The following CCDC178 variants were observed in gnomAD, a reference collection of about 807,000 sequenced individuals.
CCDC178 encodes coiled-coil domain containing 178, also known as coiled-coil domain-containing protein 178.
CCDC178 carries 126 observed loss-of-function variants against 117.4 expected under a neutral mutation model. The observed-to-expected ratio is 1.07, with a 90% CI of 0.93 to 1.24. CCDC178 has a LOEUF of 1.24. Among genes scored for constraint, CCDC178 ranks in the 50% most tolerant of loss-of-function variants. The probability of loss-of-function intolerance (pLI) is 0.00; values close to 1 mark genes in which losing one functional copy is unlikely to be tolerated. For missense variants in CCDC178, 1,030 were observed against 986.9 expected, an observed-to-expected ratio of 1.04 and a Z score of -0.59; for synonymous variants, 283 against 313.4, an observed-to-expected ratio of 0.90 and a Z score of 1.02.
At chr18:33,014,865 C>A (rs1208412635) in intron 21 of CCDC178, among the ~76,000 whole-genome samples, 1 of 152,066 alleles carries the variant, frequency 6.6e-6, no homozygotes, top group Non-Finnish European at 1.5e-5. Flanking sequence ...GAACAAAAAA[C>A]CCTGGGGAGA....
At chr18:33,100,509 A>T (rs2057609678) in intron 20 of CCDC178, among the ~76,000 whole-genome samples, 1 of 151,978 alleles carries the variant, frequency 6.6e-6, no homozygotes, top group Non-Finnish European at 1.5e-5. Flanking sequence ...AAGAAGGATA[A>T]AAGGCATATC....
chr18:33,346,257 A>G lies in CCDC178; in HGVS notation c.612T>C (p.Ser204=). ...RKNMINMKID[S]WSVWKLQELP... ...GTTCTTGAAGTTTCCAGACTGACCAAGAGTCAATTTTCATGTTAATCATAT... is the reference window on the plus strand; with the variant it reads ...GTTCTTGAAGTTTCCAGACTGACCAGGAGTCAATTTTCATGTTAATCATAT... Residue 204 remains serine (S), a synonymous_variant, in exon 9 of 23, where the codon TCT becomes TCC. Transcript: ENST00000383096. The G allele has an allele frequency of 6.2e-7, 1 of 1,614,054 alleles. No individual in the cohort carries two copies. The highest frequency in any genetic ancestry group is 8.5e-7 in the Non-Finnish European group (1 of 1,179,956).
intron 11 of CCDC178, among the ~76,000 whole-genome samples, chr18:33,322,363 G>C (rs1285057206): frequency 6.6e-6 from 1 of 151,806 alleles, no homozygotes; most frequent in South Asian, 2.1e-4. Context: ...GTGGTATAAA[G>C]ATTAACCTCC....
At chr18:33,297,939 G>A (rs753009225) in intron 11 of CCDC178, among the ~76,000 whole-genome samples, 1 of 152,002 alleles carries the variant, frequency 6.6e-6, no homozygotes, top group Non-Finnish European at 1.5e-5. Context: ...CTACTCGGGA[G>A]GCTGAGGCAG....
intron 10 of CCDC178, among the ~76,000 whole-genome samples, chr18:33,331,127 G>T (rs1055960739): frequency 7.3e-6 from 1 of 137,748 alleles, no homozygotes; most frequent in Admixed American, 8.4e-5. Context: ...CACTTGCCCT[G>T]CTTATAATGT....
intron 2 of CCDC178, among the ~76,000 whole-genome samples, chr18:33,415,662 G>A (rs574313137): frequency 5.7e-4 from 87 of 152,122 alleles, no homozygotes; most frequent in Non-Finnish European, 5.9e-4. Context: ...AAACCTGCAC[G>A]TTGTGCACAT....
At chr18:33,021,749 T>C (rs2056122878) in intron 21 of CCDC178, among the ~76,000 whole-genome samples, 2 of 152,192 alleles carry the variant, frequency 1.3e-5, no homozygotes, top group African/African-American at 4.8e-5. Flanking sequence ...CTGACATTTC[T>C]CAGCATTTGA....
At chr18:33,124,760 T>C (rs2057983271) in intron 20 of CCDC178, among the ~76,000 whole-genome samples, 1 of 152,220 alleles carries the variant, frequency 6.6e-6, no homozygotes, top group Admixed American at 6.5e-5. Context: ...AATTGACCTG[T>C]TATTTGCTTT....
At chr18:33,319,190 G>A (rs940289838) in intron 11 of CCDC178, among the ~76,000 whole-genome samples, 8 of 150,900 alleles carry the variant, frequency 5.3e-5, no homozygotes, top group South Asian at 2.1e-4. Context: ...ATCCCTCCCC[G>A]CTCCCTCCAC....
intron 20 of CCDC178, among the ~76,000 whole-genome samples, chr18:33,179,059 T>TAAA (rs757037955): frequency 0.026 from 387 of 14,760 alleles, 84 homozygotes; most frequent in Middle Eastern, 0.25. Context: ...AAGCACTCAG[T>TAAA]AAAAAAAAAA....
At chr18:32,998,519 C>T (rs1454619318) in intron 21 of CCDC178, among the ~76,000 whole-genome samples, 3 of 152,114 alleles carry the variant, frequency 2.0e-5, no homozygotes, top group Non-Finnish European at 4.4e-5. Flanking sequence ...AGTGTTTACA[C>T]CACCCTTCCC....
At chr18:33,102,410 A>G (rs2057642524) in intron 20 of CCDC178, among the ~76,000 whole-genome samples, 1 of 146,528 alleles carries the variant, frequency 6.8e-6, no homozygotes. Context: ...CTCATGGAGG[A>G]GAGTGCTTTG....
At chr18:33,415,817 TAA>T (rs913985534) in intron 2 of CCDC178, among the ~76,000 whole-genome samples, 1 of 151,750 alleles carries the variant, frequency 6.6e-6, no homozygotes, top group African/African-American at 2.4e-5. Flanking sequence ...GTAAGTACAA[TAA>T]AAAAAACTCT....
intron 12 of CCDC178, among the ~76,000 whole-genome samples, chr18:33,282,770 T>C (rs1179774768): frequency 6.6e-6 from 1 of 152,110 alleles, no homozygotes; most frequent in Admixed American, 6.5e-5. Context: ...TCAACATCCC[T>C]GCTGATGGCC....
At chr18:33,253,130 T>C (rs1399593453) in intron 14 of CCDC178, among the ~76,000 whole-genome samples, 1 of 151,756 alleles carries the variant, frequency 6.6e-6, no homozygotes, top group Non-Finnish European at 1.5e-5. Flanking sequence ...AAAGACAAAA[T>C]TACCAAATTA....
At chr18:33,240,349 T>C (rs2059473449) in intron 15 of CCDC178, among the ~76,000 whole-genome samples, 1 of 150,712 alleles carries the variant, frequency 6.6e-6, no homozygotes. Flanking sequence ...AAACCCAAAG[T>C]TAGAAGGAAA....
At chr18:33,066,443 G>C (rs1567967150) in intron 21 of CCDC178, among the ~76,000 whole-genome samples, 1 of 152,112 alleles carries the variant, frequency 6.6e-6, no homozygotes, top group Non-Finnish European at 1.5e-5. Context: ...ATATAACACA[G>C]TGATAATTAA....
chr18:33,171,583 T>C (rs1012232947), intron 20 of CCDC178, among the ~76,000 whole-genome samples: 67 of 152,218 alleles, frequency 4.4e-4, no homozygotes, highest in African/African-American at 1.5e-3. Flanking sequence ...AAAGAGATCG[T>C]AGCTATAGAG....
rs549901961 is a variant in CCDC178, at chr18:33,101,320, C to A, written c.2239-8410G>T. Among the ~76,000 whole-genome samples, 73 of 151,406 alleles carry A rather than the reference C, an allele frequency of 4.8e-4. 1 individual carries two copies. The highest frequency in any genetic ancestry group is 9.3e-4 in the Non-Finnish European group (63 of 67,838). ...TAAAAGTCTGCTCCTCTTTTCACGG[C>A]ATCATGTGAAAGGCTGAACAACCAT... On this transcript the variant is annotated intron_variant, in intron 20 of 22. Coordinates refer to ENST00000383096, the MANE Select transcript of CCDC178 (RefSeq NM_001105528.4).
Sources: gnomAD v4.1 joint callset for allele counts (sites outside exome capture counted in the v4.1 genomes callset) on GRCh38, gnomAD v4.1.1 for gene constraint, MANE v1.5 for transcripts, NCBI Gene and HGNC (gene_info 2026-07-23, HGNC 2026-07-21) for gene names.